The following SI variants were observed in gnomAD, a reference collection of about 807,000 sequenced individuals.
The protein encoded by SI is sucrase-isomaltase, intestinal.
SI carries 235 observed loss-of-function variants against 253.3 expected under a neutral mutation model. The observed-to-expected ratio is 0.93, with a 90% confidence interval of 0.83 to 1.03. SI has a LOEUF of 1.03. Ranked by LOEUF, SI falls within the 50% of genes least tolerant of loss-of-function variation. The pLI, the probability that SI is intolerant of heterozygous loss-of-function variation, is 0.00. For missense variants in SI, 2,442 were observed against 2,211.1 expected (o/e 1.10, Z -2.09); for synonymous variants, 819 against 712.0 (o/e 1.15, Z -2.39).
rs200884177 is a variant in SI, at chr3:164,991,351, A to G, written c.5108+2T>C. 1.2e-6 allele frequency: 2 copies of G among 1,613,720 alleles called. No individual in the cohort carries two copies. The highest frequency in any genetic ancestry group is 1.7e-6 in the Non-Finnish European group (2 of 1,179,712). On this transcript the variant is annotated splice_donor_variant, in intron 44 of 47. Transcript: ENST00000264382. LOFTEE classifies it high-confidence loss of function. ...CCTGAGCTTTGTAAACAGTTCACTTACCTGTAAAATGTGTTTTGAGCTGGC... is the reference window on the plus strand; with the variant it reads ...CCTGAGCTTTGTAAACAGTTCACTTGCCTGTAAAATGTGTTTTGAGCTGGC...
chr3:165,031,708 A>T (rs1712255190), intron 24 of SI, among the ~76,000 whole-genome samples: 1 of 150,746 alleles, frequency 6.6e-6, no homozygotes, highest in African/African-American at 2.4e-5. Context: ...ATTTATGGTA[A>T]TATTACTAAT....
In SI at chr3:165,036,429, T is replaced by TAG; in HGVS notation, c.2474_2475insCT (p.Ala826Ter). 1 of 1,611,784 alleles carries TAG rather than the reference T, an allele frequency of 6.2e-7. No homozygotes were observed. The highest frequency in any genetic ancestry group is 8.5e-7 in the Non-Finnish European group (1 of 1,178,494). On this transcript the variant is annotated frameshift_variant, in exon 22 of 48. Transcript: ENST00000264382. LOFTEE classifies it high-confidence loss of function. ...CATCCCAGAAAAAGTCTCCTTTGGC[T>TAG]GTGTTGTTTTCACCTAATGCGACTA...
chr3:165,068,862 G>A, intron 4 of SI, 31 bp from the exon 5 acceptor site: 10 of 1,368,630 alleles, frequency 7.3e-6, no homozygotes, highest in Admixed American at 3.4e-5. Flanking sequence ...TGCCATGAGT[G>A]ACTTGATTTA....
chr3:164,993,973 T>C (rs773393254), intron 41 of SI, among the ~76,000 whole-genome samples: 1 of 151,740 alleles, frequency 6.6e-6, no homozygotes, highest in Non-Finnish European at 1.5e-5. Context: ...TGTAAGCACA[T>C]ATACAAAGCA....
chr3:165,044,218 G>T (rs898432453), intron 16 of SI, among the ~76,000 whole-genome samples: 3 of 151,804 alleles, frequency 2.0e-5, no homozygotes, highest in Non-Finnish European at 4.4e-5. Flanking sequence ...AAACTCTTCT[G>T]GTCCCACACA....
At chr3:165,045,732 T>A (rs1057294466) in intron 16 of SI, among the ~76,000 whole-genome samples, 2 of 151,832 alleles carry the variant, frequency 1.3e-5, no homozygotes, top group Admixed American at 6.6e-5. Flanking sequence ...ACAGCTGAAA[T>A]TTCCCAAGAT....
upstream of SI, among the ~76,000 whole-genome samples, chr3:165,082,592 A>G (rs1466531044): frequency 6.6e-6 from 1 of 151,922 alleles, no homozygotes; most frequent in African/African-American, 2.4e-5. Context: ...TCATGCTTGT[A>G]GTATAGTGCT....
At position 165,049,878 on chromosome 3, in the gene SI, G is replaced by T. The variant is rs775102535; in HGVS notation, c.1513-3C>A. On this transcript the variant is annotated splice_polypyrimidine_tract_variant and splice_region_variant and intron_variant, in intron 13 of 47. Coordinates refer to ENST00000264382, the MANE Select transcript of SI (RefSeq NM_001041.4). The stretch of plus-strand genomic sequence containing the variant: ...AAGCTGGAAACTTCATTCATGTCCT[G>T]AATGGATACAAAATGAAGAACAGCA... The T allele has an allele frequency of 4.5e-6, 7 of 1,566,022 alleles. No homozygotes were observed. The Admixed American group carries it at 8.4e-5, about 19-fold the overall frequency.
intron 33 of SI, among the ~76,000 whole-genome samples, chr3:165,013,600 A>C (rs1287295608): frequency 7.2e-5 from 11 of 152,194 alleles, no homozygotes; most frequent in Non-Finnish European, 1.5e-4. Flanking sequence ...CCAGAAACAC[A>C]CAAAACAGAG....
Position 165,049,802 on chromosome 3 carries a change from G to A in SI, c.1586C>T (p.Pro529Leu), listed in dbSNP as rs779540674. Reference sequence around the variant, plus strand: ...CAAATAAATTTTACCAGGAGTAAACGGTGGATAATTCAATTTGTTTACATT... The same window carrying A: ...CAAATAAATTTTACCAGGAGTAAACAGTGGATAATTCAATTTGTTTACATT... ...GCNVNKLNYP[P>L]FTPDILDKLM... Residue 529 changes from proline (P) to leucine (L), a missense_variant, in exon 14 of 48, where the codon CCG becomes CTG. By Grantham distance (98) the Pro-to-Leu change is moderately conservative. Coordinates refer to ENST00000264382, the MANE Select transcript of SI (RefSeq NM_001041.4). 8.2e-6 allele frequency: 13 copies of A among 1,588,790 alleles called. No homozygotes were observed. The highest frequency in any genetic ancestry group is 1.9e-4 in the Middle Eastern group (1 of 5,402).
the SI span, among the ~76,000 whole-genome samples, chr3:165,084,022 T>C: frequency 6.6e-6 from 1 of 152,024 alleles, no homozygotes. Flanking sequence ...CCCCTCCAAA[T>C]TCATATGCTG....
chr3:165,059,601 TA>T (rs1713887399), intron 10 of SI, among the ~76,000 whole-genome samples: 1 of 151,980 alleles, frequency 6.6e-6, no homozygotes, highest in Non-Finnish European at 1.5e-5. Flanking sequence ...GAAAATTTTT[TA>T]AAAATATGTA....
In SI at chr3:164,979,467, A is replaced by T. The variant is rs753679057; in HGVS notation, c.5416-37T>A. The stretch of plus-strand genomic sequence containing the variant: ...AAATAATAATTAGTTGTTTAATCAC[A>T]ACCACATTTTTCTTATTTTCATGAA... On this transcript the variant is annotated intron_variant, in intron 47 of 47. Coordinates refer to ENST00000264382, the MANE Select transcript of SI (RefSeq NM_001041.4). 3 of 1,149,742 alleles carry T rather than the reference A, an allele frequency of 2.6e-6. No individual in the cohort carries two copies. In the East Asian group the frequency reaches 7.1e-5, roughly 27 times the overall value. 71.2% of individuals were successfully genotyped at this position (1,149,742 alleles called of 1,614,324 possible).
chr3:165,052,501 C>T (rs1713483656), intron 13 of SI, among the ~76,000 whole-genome samples: 1 of 152,054 alleles, frequency 6.6e-6, no homozygotes, highest in African/African-American at 2.4e-5. Flanking sequence ...ACTAAAAATA[C>T]AAAAATTAGC....
chr3:165,061,071 C>T (rs1713963262), intron 9 of SI, among the ~76,000 whole-genome samples: 1 of 151,524 alleles, frequency 6.6e-6, no homozygotes, highest in African/African-American at 2.4e-5. Flanking sequence ...AACTATACTC[C>T]TAAACACCAT....
At chr3:165,004,024 G>T (rs1370978711) in intron 37 of SI, among the ~76,000 whole-genome samples, 1 of 151,946 alleles carries the variant, frequency 6.6e-6, no homozygotes, top group African/African-American at 2.4e-5. Flanking sequence ...CACAGAATGG[G>T]AGAAAATATT....
intron 15 of SI, among the ~76,000 whole-genome samples, chr3:165,048,578 T>TAGAG (rs1434778761): frequency 6.4e-5 from 7 of 109,358 alleles, no homozygotes; most frequent in South Asian, 5.7e-4. Flanking sequence ...TATATATATA[T>TAGAG]ATATATAGAG....
At chr3:165,023,472 A>C in intron 26 of SI, 98 bp downstream of exon 26, 1 of 862,216 alleles carries the variant, frequency 1.2e-6, no homozygotes, top group Non-Finnish European at 1.9e-6. Context: ...AAATCTGTTA[A>C]TAACCTTTAA....
At chr3:165,021,456 A>G in intron 26 of SI, 73 bp from the exon 27 acceptor site, 2 of 1,139,632 alleles carry the variant, frequency 1.8e-6, no homozygotes, top group Admixed American at 1.8e-5. Flanking sequence ...AACTAAGTTA[A>G]ATAATGGCTC....
Sources: gnomAD v4.1 joint callset for allele counts (sites outside exome capture counted in the v4.1 genomes callset) on GRCh38, gnomAD v4.1.1 for gene constraint, MANE v1.5 for transcripts, NCBI Gene and HGNC (gene_info 2026-07-23, HGNC 2026-07-21) for gene names.